Variants in LHX2 observed in about 807,000 individuals in gnomAD.
LHX2 encodes LIM/homeobox protein Lhx2.
In LHX2, 6 loss-of-function variants were observed where a neutral mutation model predicts 33.0. That is an observed-to-expected ratio of 0.18 (90% CI 0.10 to 0.36). The LOEUF is 0.36. Among genes scored for constraint, LHX2 ranks in the 10% least tolerant of loss-of-function variants. LHX2 has a pLI of 1.00. For synonymous variants in LHX2, 292 were observed against 253.1 expected (o/e 1.15, Z -1.46); for missense variants, 442 against 586.2 (o/e 0.75, Z 2.54).
At chr9:124,030,974 T>C (rs1319886514) in intron 4 of LHX2, among the ~76,000 whole-genome samples, 1 of 152,010 alleles carries the variant, frequency 6.6e-6, no homozygotes, top group Non-Finnish European at 1.5e-5. Flanking sequence ...CTTACAGGCG[T>C]GTGTGCAAAG....
intron 4 of LHX2, among the ~76,000 whole-genome samples, chr9:124,030,738 T>C (rs1335990216): frequency 2.0e-5 from 3 of 151,478 alleles, no homozygotes; most frequent in African/African-American, 4.9e-5. Context: ...TTCAAGCAGT[T>C]CTTCTGTCTC....
rs527400237 is a variant in LHX2, at chr9:124,014,053, G to A, written c.213G>A (p.Lys71=). Residue 71 remains lysine (K), a synonymous_variant, in exon 2 of 5, where the codon AAG becomes AAA. Transcript: ENST00000373615. The surrounding 1 kb of genome is among the most constrained non-coding windows in gnomAD (Gnocchi z 4.8). ...SDRYYLLAVD[K]QWHMRCLKCC... is the part of the protein sequence containing the mutation. Reference sequence around the variant, plus strand: ...GCTACTACCTGCTGGCGGTGGACAAGCAGTGGCACATGCGCTGCCTCAAGT... The same window carrying A: ...GCTACTACCTGCTGGCGGTGGACAAACAGTGGCACATGCGCTGCCTCAAGT... The A allele has an allele frequency of 2.7e-5, 44 of 1,613,672 alleles. No individual in the cohort carries two copies. In the East Asian group the frequency reaches 7.6e-4, roughly 28 times the overall value.
chr9:124,030,312 T>C (rs1305793329), intron 4 of LHX2, among the ~76,000 whole-genome samples: 2 of 152,180 alleles, frequency 1.3e-5, no homozygotes, highest in Non-Finnish European at 2.9e-5. Flanking sequence ...CCAGAGACAC[T>C]GGGAAGACAG....
rs973270362 is a variant in LHX2, at chr9:124,021,122, G to T, written c.751G>T (p.Ala251Ser). The change falls in exon 4 of 5, where the codon GCA becomes TCA. Residue 251 changes from alanine to serine, a missense_variant. By Grantham distance (99) the Ala-to-Ser change is moderately conservative. Coordinates refer to ENST00000373615, the MANE Select transcript of LHX2 (RefSeq NM_004789.4). ...AGCGCTAAGCTGCAACGAAAACGAC[G>T]CAGAGCACCTGGACCGTGACCAGCC... ...NAALSCNENDAEHLDRDQPYP... is the reference protein window; with the variant it reads ...NAALSCNENDSEHLDRDQPYP... 1.1e-5 allele frequency: 18 copies of T among 1,613,924 alleles called. No homozygotes were observed. In the African/African-American group the frequency reaches 1.9e-4, roughly 17 times the overall value.
At chr9:124,031,971 C>T in intron 4 of LHX2, 1 of 154,442 alleles carries the variant, frequency 6.5e-6, no homozygotes, top group Non-Finnish European at 1.4e-5. Context: ...CAGTGGCTCA[C>T]ATCTGTAATC....
rs1023798362 is a variant in LHX2, at chr9:124,021,268, C to G, written c.897C>G (p.Leu299=). ...HNPDAKDLKQ[L]AQKTGLTKRV... ...CCGACGCCAAGGACTTGAAGCAGCT[C>G]GCGCAAAAGACGGGCCTCACCAAGC... Residue 299 remains leucine (L), a synonymous_variant, in exon 4 of 5, where the codon CTC becomes CTG. Coordinates refer to ENST00000373615, the MANE Select transcript of LHX2 (RefSeq NM_004789.4). 3 of 1,613,892 alleles carry G rather than the reference C, an allele frequency of 1.9e-6. No individual in the cohort carries two copies. The African/African-American group carries it at 4.0e-5, about 22-fold the overall frequency.
chr9:124,013,981 T>C lies in LHX2; in HGVS notation c.141T>C (p.Ser47=), dbSNP rs747742198. 1 of 1,613,056 alleles carries C rather than the reference T, an allele frequency of 6.2e-7. No homozygotes were observed. The highest frequency in any genetic ancestry group is 1.1e-5 in the South Asian group (1 of 91,058). Residue 47 remains serine, a synonymous_variant, in exon 2 of 5, where the codon AGT becomes AGC. Transcript: ENST00000373615. ...DTETTMPSIS[S]DRAALCAGCG... is the part of the protein sequence containing the mutation. ...CGCAGACCATGCCGTCCATCAGCAG[T>C]GACCGCGCCGCGCTGTGCGCCGGCT... is the stretch of plus-strand genomic sequence containing the variant.
chr9:124,017,900 C>G (rs1859220394), intron 3 of LHX2, among the ~76,000 whole-genome samples: 1 of 151,924 alleles, frequency 6.6e-6, no homozygotes, highest in African/African-American at 2.4e-5. Flanking sequence ...CCGGGAGGGG[C>G]TGCCAGCGGG....
intron 4 of LHX2, among the ~76,000 whole-genome samples, chr9:124,025,130 C>T (rs561164205): frequency 2.6e-5 from 4 of 152,306 alleles, no homozygotes; most frequent in Non-Finnish European, 4.4e-5. Context: ...GCCCCTTAGA[C>T]GGAGGTCCTT....
chr9:124,020,762 TC>T, intron 3 of LHX2, among the ~76,000 whole-genome samples: 1 of 152,278 alleles, frequency 6.6e-6, no homozygotes, highest in South Asian at 2.1e-4. Flanking sequence ...CACCTGGAGT[TC>T]AATCGGCCAT....
At chr9:124,029,922 A>G (rs896644036) in intron 4 of LHX2, among the ~76,000 whole-genome samples, 1 of 152,140 alleles carries the variant, frequency 6.6e-6, no homozygotes, top group African/African-American at 2.4e-5. Flanking sequence ...GGCCACCAGG[A>G]CACAGTCTCT....
chr9:124,032,783 A>G lies in LHX2; in HGVS notation c.*76A>G. 3 of 1,462,306 alleles carry G rather than the reference A, an allele frequency of 2.1e-6. No homozygotes were observed. The highest frequency in any genetic ancestry group is 2.8e-6 in the Non-Finnish European group (3 of 1,089,492). 90.6% of individuals were successfully genotyped at this position (1,462,306 alleles called of 1,614,324 possible). On this transcript the variant is annotated 3_prime_UTR_variant, in exon 5 of 5. Coordinates refer to ENST00000373615, the MANE Select transcript of LHX2 (RefSeq NM_004789.4). This position sits in a 1 kb window ranked among gnomAD's most constrained non-coding sequence, Gnocchi z 4.1. ...AGTTGAATTCCAAGTGTATTTTAAAATAGAGGCTTTGAGCAACTAACTAAC... is the reference window on the plus strand; with the variant it reads ...AGTTGAATTCCAAGTGTATTTTAAAGTAGAGGCTTTGAGCAACTAACTAAC...
At position 124,012,297 on chromosome 9, in the gene LHX2, G is replaced by T; in HGVS notation, c.-52G>T. ...GAGCGCCAGGCAGCTGAGGCGGGGGGCAAGCCCTCCCTCGGAGGAGCCGCG... is the reference window on the plus strand; with the variant it reads ...GAGCGCCAGGCAGCTGAGGCGGGGGTCAAGCCCTCCCTCGGAGGAGCCGCG... On this transcript the variant is annotated 5_prime_UTR_variant, in exon 1 of 5. Coordinates refer to ENST00000373615, the MANE Select transcript of LHX2 (RefSeq NM_004789.4). The surrounding 1 kb of genome is among the most constrained non-coding windows in gnomAD (Gnocchi z 4.3). The T allele has an allele frequency of 6.9e-7, 1 of 1,457,488 alleles. No homozygotes were observed. Among genetic ancestry groups the T allele is most frequent in the East Asian group, 3.0e-5 (1 of 32,958 alleles). The allele number at this position is 1,457,488 out of a possible 1,614,324, so 90.3% of individuals were successfully genotyped here.
rs186980946 is a variant in LHX2 at position 124,015,897 on chromosome 9, A to G, written c.727+372A>G. Among the ~76,000 whole-genome samples, 278 of 152,338 alleles carry G rather than the reference A, an allele frequency of 1.8e-3. 2 individuals are homozygous for G. The highest frequency in any genetic ancestry group is 3.4e-3 in the Middle Eastern group (1 of 294). On this transcript the variant is annotated intron_variant, in intron 3 of 4. Coordinates refer to ENST00000373615, the MANE Select transcript of LHX2 (RefSeq NM_004789.4). The surrounding 1 kb of genome is among the most constrained non-coding windows in gnomAD (Gnocchi z 7.9). The stretch of plus-strand genomic sequence containing the variant: ...GGGTTGGCGCGGCTGAGGGCCGGGA[A>G]CTGGGGCAGCGAAGGAACGAGGCAG...
chr9:124,025,946 C>G (rs1828614611), intron 4 of LHX2, among the ~76,000 whole-genome samples: 1 of 152,034 alleles, frequency 6.6e-6, no homozygotes, highest in African/African-American at 2.4e-5. Flanking sequence ...GATTGTGCCA[C>G]TGCACTCCAG....
Position 124,013,973 on chromosome 9 carries a change from A to C in LHX2, c.133A>C (p.Ile45Leu), listed in dbSNP as rs780690752. ...CCTCCCTTCGCAGACCATGCCGTCC[A>C]TCAGCAGTGACCGCGCCGCGCTGTG... The part of the protein sequence containing the change: ...RGDTETTMPS[I>L]SSDRAALCAG... Residue 45 changes from isoleucine to leucine, a missense_variant, in exon 2 of 5, where the codon ATC (isoleucine) becomes CTC (leucine). By Grantham distance (5) the Ile-to-Leu change is conservative. Coordinates refer to ENST00000373615, the MANE Select transcript of LHX2 (RefSeq NM_004789.4). 12 of 1,612,788 alleles carry C rather than the reference A, an allele frequency of 7.4e-6. No individual in the cohort carries two copies. In the East Asian group the frequency reaches 2.2e-4, roughly 30 times the overall value.
At chr9:124,013,749 G>C (rs1008288523) in intron 1 of LHX2, among the ~76,000 whole-genome samples, 6 of 152,262 alleles carry the variant, frequency 3.9e-5, no homozygotes, top group African/African-American at 1.2e-4. Flanking sequence ...CGTGGCTGGC[G>C]AGGGCTGCGC....
chr9:124,032,687 A>G lies in LHX2; in HGVS notation c.1201A>G (p.Thr401Ala), dbSNP rs1203260098. The G allele has an allele frequency of 7.5e-6, 12 of 1,592,142 alleles. No individual in the cohort carries two copies. Among genetic ancestry groups the G allele is most frequent in the Non-Finnish European group, 9.4e-6 (11 of 1,164,230 alleles). The change falls in exon 5 of 5, where the codon ACT becomes GCT. Residue 401 changes from threonine (T) to alanine (A), a missense_variant. Transcript: ENST00000373615. This position sits in a 1 kb window ranked among gnomAD's most constrained non-coding sequence, Gnocchi z 4.1. ...TGAGCCTCACAGCCCCTCACAAACGACTCTTACCAACCTTTTCTAATGACT... is the reference window on the plus strand; with the variant it reads ...TGAGCCTCACAGCCCCTCACAAACGGCTCTTACCAACCTTTTCTAATGACT... ...GHEPHSPSQT[T>A]LTNLF
Position 124,014,446 on chromosome 9 carries a change from G to C in LHX2, c.323+283G>C, listed in dbSNP as rs531239533. On this transcript the variant is annotated intron_variant, in intron 2 of 4. Transcript: ENST00000373615. The surrounding 1 kb of genome is among the most constrained non-coding windows in gnomAD (Gnocchi z 4.8). Reference sequence around the variant, plus strand: ...TAGACCACAAAAAAGCTTGAGTTGGGATCCTTGCTCCCCTCTCTCTTTGAA... The same window carrying C: ...TAGACCACAAAAAAGCTTGAGTTGGCATCCTTGCTCCCCTCTCTCTTTGAA... 6.6e-6 allele frequency among the ~76,000 whole-genome samples: 1 copy of C among 152,242 alleles called. No individual in the cohort carries two copies. Among genetic ancestry groups the C allele is most frequent in the Admixed American group, 6.5e-5 (1 of 15,288 alleles).
Sources: gnomAD v4.1 joint callset for allele counts (sites outside exome capture counted in the v4.1 genomes callset) on GRCh38, gnomAD v4.1.1 for gene constraint, Gnocchi (gnomAD v3.1) non-coding constraint, MANE v1.5 for transcripts, NCBI Gene and HGNC (gene_info 2026-07-23, HGNC 2026-07-21) for gene names.